Variants in CADPS2 observed in about 807,000 individuals in gnomAD.
CADPS2 encodes the protein calcium-dependent secretion activator 2.
A neutral mutation model predicts 172.5 loss-of-function variants in CADPS2; 93 were observed. The observed-to-expected ratio is 0.54, with a 90% CI of 0.46 to 0.64. The LOEUF (loss-of-function observed/expected upper bound fraction) is 0.64. Among genes scored for constraint, CADPS2 ranks in the 30% least tolerant of loss-of-function variants. CADPS2 has a pLI of 0.00. For synonymous variants in CADPS2, 546 were observed against 555.2 expected (o/e 0.98, Z 0.23); for missense variants, 1,420 against 1,565.9 (o/e 0.91, Z 1.57).
chr7:122,658,388 G>A (rs2080084587), intron 3 of CADPS2, among the ~76,000 whole-genome samples: 1 of 152,064 alleles, frequency 6.6e-6, no homozygotes, highest in Admixed American at 6.6e-5. Context: ...CCCATTACTG[G>A]GTATATACCC....
chr7:122,840,745 G>T (rs957008560), intron 1 of CADPS2, among the ~76,000 whole-genome samples: 1 of 151,944 alleles, frequency 6.6e-6, no homozygotes, highest in African/African-American at 2.4e-5. Flanking sequence ...AGGAGATGCT[G>T]TCTCAAAAAA....
At chr7:122,664,525 A>G (rs2080974136) in intron 2 of CADPS2, among the ~76,000 whole-genome samples, 1 of 152,200 alleles carries the variant, frequency 6.6e-6, no homozygotes, top group Non-Finnish European at 1.5e-5. Flanking sequence ...ATATTTGGGA[A>G]GAGACACCAG....
At chr7:122,562,192 A>G (rs569961763) in intron 7 of CADPS2, among the ~76,000 whole-genome samples, 3 of 152,156 alleles carry the variant, frequency 2.0e-5, no homozygotes, top group Non-Finnish European at 4.4e-5. Context: ...GGACTTGTGA[A>G]TATGTTTTTA....
At position 122,380,148 on chromosome 7, in the gene CADPS2, CT is replaced by C. The variant is rs968973163; in HGVS notation, c.3313-707del. Among the ~76,000 whole-genome samples the C allele has an allele frequency of 1.7e-3, 251 of 150,124 alleles. 1 individual carries two copies. Among genetic ancestry groups the C allele is most frequent in the African/African-American group, 5.2e-3 (214 of 40,966 alleles). On this transcript the variant is annotated intron_variant, in intron 24 of 29. Coordinates refer to ENST00000449022, the MANE Select transcript of CADPS2 (RefSeq NM_017954.11). ...ATGTATTTAAAATCAACCTGAAAGA[CT>C]TTTTTTTTTCTTTCTTTAGAGAATA...
At chr7:122,530,653 A>T (rs542439290) in intron 8 of CADPS2, among the ~76,000 whole-genome samples, 70 of 152,300 alleles carry the variant, frequency 4.6e-4, no homozygotes, top group African/African-American at 1.6e-3. Flanking sequence ...GATACTTTTA[A>T]TACTACAAAA....
At chr7:122,602,918 A>T (rs939018962) in intron 6 of CADPS2, among the ~76,000 whole-genome samples, 2 of 152,114 alleles carry the variant, frequency 1.3e-5, no homozygotes, top group East Asian at 3.9e-4. Context: ...AGAACAGGTA[A>T]TAACAAGTGC....
chr7:122,804,118 G>A (rs544103643), intron 1 of CADPS2, among the ~76,000 whole-genome samples: 1 of 152,112 alleles, frequency 6.6e-6, no homozygotes, highest in Non-Finnish European at 1.5e-5. Flanking sequence ...TGACTGACCT[G>A]CACTCTAGTT....
intron 17 of CADPS2, among the ~76,000 whole-genome samples, chr7:122,428,620 A>C (rs1020451803): frequency 4.6e-5 from 7 of 151,790 alleles, no homozygotes; most frequent in Non-Finnish European, 1.5e-5. Flanking sequence ...GCCATGCACC[A>C]CTATGCCTGG....
At chr7:122,618,279 T>C (rs1230834260) in intron 5 of CADPS2, among the ~76,000 whole-genome samples, 1 of 152,074 alleles carries the variant, frequency 6.6e-6, no homozygotes, top group Non-Finnish European at 1.5e-5. Context: ...AAATCCTTAA[T>C]CCAGTAAGTA....
At chr7:122,831,946 C>T (rs1253493309) in intron 1 of CADPS2, among the ~76,000 whole-genome samples, 2 of 152,144 alleles carry the variant, frequency 1.3e-5, no homozygotes, top group Non-Finnish European at 2.9e-5. Context: ...AGAGTGGATG[C>T]TGTCATCCTG....
At chr7:122,338,726 C>T (rs531029437) in intron 28 of CADPS2, among the ~76,000 whole-genome samples, 11 of 152,106 alleles carry the variant, frequency 7.2e-5, no homozygotes, top group African/African-American at 2.7e-4. Context: ...AAGAGGAAAA[C>T]TGCTATTTTA....
intron 1 of CADPS2, among the ~76,000 whole-genome samples, chr7:122,761,398 T>G (rs1241606799): frequency 7.0e-6 from 1 of 142,986 alleles, no homozygotes; most frequent in Non-Finnish European, 1.5e-5. Context: ...GCTCACAAAG[T>G]AATGCCAGAT....
intron 23 of CADPS2, among the ~76,000 whole-genome samples, chr7:122,387,752 T>C (rs1392859868): frequency 6.6e-6 from 1 of 152,078 alleles, no homozygotes; most frequent in Admixed American, 6.6e-5. Context: ...TTTGCTGAAG[T>C]ATCCTATGAA....
chr7:122,323,873 T>TTTA (rs1390141913), intron 29 of CADPS2, among the ~76,000 whole-genome samples: 2 of 112,526 alleles, frequency 1.8e-5, no homozygotes, highest in East Asian at 2.5e-4. Flanking sequence ...TATGTATATT[T>TTTA]TATATATATA....
chr7:122,677,190 T>C (rs529637804), intron 2 of CADPS2, among the ~76,000 whole-genome samples: 1 of 152,222 alleles, frequency 6.6e-6, no homozygotes, highest in Non-Finnish European at 1.5e-5. Context: ...AATATGCCTG[T>C]GGCTTGATAA....
chr7:122,338,428 AAAT>A (rs1299754672), intron 28 of CADPS2, among the ~76,000 whole-genome samples: 11 of 152,090 alleles, frequency 7.2e-5, no homozygotes, highest in African/African-American at 1.4e-4. Flanking sequence ...ACAAATAAAT[AAAT>A]AAGTAACCTC....
At chr7:122,541,773 ACATATATT>A (rs1181950080) in intron 8 of CADPS2, among the ~76,000 whole-genome samples, 2 of 142,772 alleles carry the variant, frequency 1.4e-5, no homozygotes, top group East Asian at 2.0e-4. Flanking sequence ...TTATATATTC[ACATATATT>A]CATATATTTA....
chr7:122,684,860 C>G (rs902158811), intron 2 of CADPS2, among the ~76,000 whole-genome samples: 1 of 152,000 alleles, frequency 6.6e-6, no homozygotes, highest in Non-Finnish European at 1.5e-5. Context: ...AATCCAAGGG[C>G]CTGCTGCAGA....
chr7:122,799,951 T>C (rs1589272261), intron 1 of CADPS2, among the ~76,000 whole-genome samples: 1 of 152,310 alleles, frequency 6.6e-6, no homozygotes, highest in African/African-American at 2.4e-5. Context: ...ATGTGACTGT[T>C]GAAAGCCTGC....
Sources: allele counts gnomAD v4.1 joint callset (sites outside exome capture counted in the v4.1 genomes callset), GRCh38; gene constraint gnomAD v4.1.1; transcripts MANE v1.5; gene names NCBI Gene and HGNC (gene_info 2026-07-23, HGNC 2026-07-21).